The following PTPRD variants were observed in gnomAD, a reference collection of about 807,000 sequenced individuals.
The protein encoded by PTPRD is protein tyrosine phosphatase receptor type D, also known as receptor-type tyrosine-protein phosphatase delta.
PTPRD carries 34 observed loss-of-function variants against 214.5 expected under a neutral mutation model. The observed-to-expected ratio is 0.16, with a 90% CI of 0.12 to 0.21. The LOEUF (loss-of-function observed/expected upper bound fraction) is 0.21. PTPRD is among the 10% of genes least tolerant of loss of function. The pLI is 1.00. For missense variants in PTPRD, 2,545 were observed against 2,398.7 expected, an observed-to-expected ratio of 1.06 and a Z score of -1.27; for synonymous variants, 1,128 against 845.7, an observed-to-expected ratio of 1.33 and a Z score of -5.79.
At chr9:9,002,081 A>T (rs1163489632) in intron 11 of PTPRD, among the ~76,000 whole-genome samples, 2 of 151,902 alleles carry the variant, frequency 1.3e-5, no homozygotes, top group Non-Finnish European at 2.9e-5. Context: ...CACTCTAATC[A>T]TCGTAACAAA....
intron 3 of PTPRD, among the ~76,000 whole-genome samples, chr9:10,176,278 G>GT (rs925566353): frequency 3.1e-4 from 46 of 148,466 alleles, no homozygotes; most frequent in African/African-American, 6.4e-4. Context: ...TTTTTAATGT[G>GT]TTTTTTTTTC....
chr9:10,342,953 G>T (rs73644423), intron 2 of PTPRD, among the ~76,000 whole-genome samples: 3,025 of 152,174 alleles, frequency 0.02, 111 homozygotes, highest in African/African-American at 0.069. Flanking sequence ...TAAATAGCCT[G>T]ACCTCCATAC....
chr9:8,600,354 A>C (rs1222831136), intron 14 of PTPRD, among the ~76,000 whole-genome samples: 1 of 152,118 alleles, frequency 6.6e-6, no homozygotes, highest in African/African-American at 2.4e-5. Context: ...TGAAATTCCT[A>C]GGCAAGTCCT....
intron 10 of PTPRD, among the ~76,000 whole-genome samples, chr9:9,157,918 T>G (rs1057366233): frequency 1.3e-5 from 2 of 152,168 alleles, no homozygotes; most frequent in African/African-American, 4.8e-5. Context: ...TCCCACTGTG[T>G]GTTCATGTGT....
At chr9:9,590,702 C>G (rs906622125) in intron 7 of PTPRD, among the ~76,000 whole-genome samples, 5 of 151,782 alleles carry the variant, frequency 3.3e-5, no homozygotes, top group South Asian at 4.1e-4. Flanking sequence ...GAGCTTGAAC[C>G]ATTCTTACCC....
chr9:9,127,606 A>C (rs2099836042), intron 10 of PTPRD, among the ~76,000 whole-genome samples: 1 of 152,170 alleles, frequency 6.6e-6, no homozygotes, highest in Admixed American at 6.5e-5. Flanking sequence ...TTCTGTTTTT[A>C]ACATGATAAA....
chr9:10,008,927 TTAA>T (rs1463407926), intron 4 of PTPRD, among the ~76,000 whole-genome samples: 1 of 151,894 alleles, frequency 6.6e-6, no homozygotes, highest in Non-Finnish European at 1.5e-5. Flanking sequence ...TAAATAATAA[TTAA>T]TAATCAATAT....
chr9:8,583,895 T>C (rs912264232), intron 14 of PTPRD, among the ~76,000 whole-genome samples: 13 of 152,248 alleles, frequency 8.5e-5, no homozygotes, highest in African/African-American at 3.1e-4. Flanking sequence ...CTCATGCCTG[T>C]AATCTCAGCA....
Position 9,342,878 on chromosome 9 carries a change from C to T in PTPRD, c.-203+54571G>A, listed in dbSNP as rs188456550. Among the ~76,000 whole-genome samples the T allele has an allele frequency of 6.9e-4, 105 of 152,070 alleles. 2 individuals carry two copies. Among genetic ancestry groups the T allele is most frequent in the African/African-American group, 2.5e-3 (104 of 41,490 alleles). On this transcript the variant is annotated intron_variant, in intron 9 of 45. Transcript: ENST00000381196. ...CTCCCCTAGCCCCCTACCCCGCCAA[C>T]AGGCCCCAGTGTGTGATGTTCTCCT...
intron 8 of PTPRD, among the ~76,000 whole-genome samples, chr9:9,451,388 T>C (rs1327518297): frequency 1.3e-5 from 2 of 151,796 alleles, no homozygotes; most frequent in Non-Finnish European, 2.9e-5. Context: ...CACAAAATTT[T>C]AATAACAAGA....
intron 39 of PTPRD, among the ~76,000 whole-genome samples, chr9:8,351,352 G>C (rs1056188281): frequency 6.6e-6 from 1 of 151,870 alleles, no homozygotes; most frequent in Non-Finnish European, 1.5e-5. Context: ...AGAAGGATCG[G>C]TAATGGTGGC....
At chr9:9,417,815 A>T (rs1362595014) in intron 8 of PTPRD, among the ~76,000 whole-genome samples, 2 of 152,120 alleles carry the variant, frequency 1.3e-5, no homozygotes, top group African/African-American at 4.8e-5. Flanking sequence ...TGTCAGGATT[A>T]AATAAAATAT....
intron 11 of PTPRD, among the ~76,000 whole-genome samples, chr9:8,771,725 T>C (rs2095227374): frequency 6.6e-6 from 1 of 152,118 alleles, no homozygotes; most frequent in Non-Finnish European, 1.5e-5. Flanking sequence ...TGTTTTCAAA[T>C]TGCATGCACG....
chr9:8,974,477 C>T (rs1317389104), intron 11 of PTPRD, among the ~76,000 whole-genome samples: 1 of 151,874 alleles, frequency 6.6e-6, no homozygotes, highest in South Asian at 2.1e-4. Flanking sequence ...ATACATGCGC[C>T]ATGGTGGTTT....
At chr9:9,794,464 G>T (rs1030991115) in intron 5 of PTPRD, among the ~76,000 whole-genome samples, 2 of 152,036 alleles carry the variant, frequency 1.3e-5, no homozygotes, top group African/African-American at 4.8e-5. Context: ...AAAAGTGAGT[G>T]TATCAATGTG....
intron 12 of PTPRD, among the ~76,000 whole-genome samples, chr9:8,719,437 A>T (rs2098468923): frequency 6.6e-6 from 1 of 152,232 alleles, no homozygotes; most frequent in South Asian, 2.1e-4. Context: ...GGCTAATCAA[A>T]CTAATCTCTT....
chr9:8,789,219 T>C (rs1566072511), intron 11 of PTPRD, among the ~76,000 whole-genome samples: 1 of 152,140 alleles, frequency 6.6e-6, no homozygotes. Context: ...TGAATTGTTT[T>C]TTCAGCATTT....
At chr9:9,587,575 A>G (rs935778321) in intron 7 of PTPRD, among the ~76,000 whole-genome samples, 5 of 152,048 alleles carry the variant, frequency 3.3e-5, no homozygotes, top group African/African-American at 1.2e-4. Flanking sequence ...AGTATGAGAT[A>G]CTACAGTGCT....
In PTPRD at chr9:10,157,903, G is replaced by C. The variant is rs192407671; in HGVS notation, c.-544-124113C>G. Among the ~76,000 whole-genome samples the C allele has an allele frequency of 7.5e-4, 114 of 152,134 alleles. 1 individual carries two copies. Among genetic ancestry groups the C allele is most frequent in the Admixed American group, 1.2e-3 (18 of 15,276 alleles). ...TAGAAAGCCAGTCTTCAAGCTCTGA[G>C]ATTCTTCCTTTGGCTTGTTCTATTG... On this transcript the variant is annotated intron_variant, in intron 3 of 45. Transcript: ENST00000381196.
Sources: gnomAD v4.1 joint callset for allele counts (sites outside exome capture counted in the v4.1 genomes callset) on GRCh38, gnomAD v4.1.1 for gene constraint, MANE v1.5 for transcripts, NCBI Gene and HGNC (gene_info 2026-07-23, HGNC 2026-07-21) for gene names.